The following BEND3 variants were observed in gnomAD, a reference collection of about 807,000 sequenced individuals.
BEND3 encodes the protein BEN domain containing 3, also known as BEN domain-containing protein 3.
Under a neutral mutation model 60.1 loss-of-function variants are expected in BEND3, and 13 were observed. That is an observed-to-expected ratio of 0.22 (90% confidence interval 0.14 to 0.34). BEND3 has a LOEUF of 0.34. Among genes scored for constraint, BEND3 ranks in the 10% least tolerant of loss-of-function variants. The probability of loss-of-function intolerance (pLI) is 1.00; values close to 1 mark genes in which losing one functional copy is unlikely to be tolerated. For synonymous variants in BEND3, 497 were observed against 491.5 expected (o/e 1.01, Z -0.15); for missense variants, 896 against 1,138.1 (o/e 0.79, Z 3.06).
chr6:107,078,518 A>ATG (rs1775145730), intron 3 of BEND3, among the ~76,000 whole-genome samples: 1 of 73,006 alleles, frequency 1.4e-5, no homozygotes. Flanking sequence ...GCAGTGGTGC[A>ATG]ATCTCGGCTC....
At chr6:107,099,995 G>A (rs1775671804) in intron 1 of BEND3, among the ~76,000 whole-genome samples, 1 of 151,592 alleles carries the variant, frequency 6.6e-6, no homozygotes, top group South Asian at 2.1e-4. Flanking sequence ...TCAGCCTCTA[G>A]AATGGCTAGG....
chr6:107,074,733 T>C (rs1554232547), intron 3 of BEND3, among the ~76,000 whole-genome samples: 2 of 152,250 alleles, frequency 1.3e-5, no homozygotes, highest in South Asian at 2.1e-4. Flanking sequence ...GGGGTGGAGA[T>C]AGCTGAAAAC....
chr6:107,084,211 C>G (rs1008060142), intron 3 of BEND3, among the ~76,000 whole-genome samples: 5 of 152,344 alleles, frequency 3.3e-5, no homozygotes, highest in African/African-American at 1.2e-4. Flanking sequence ...CAGGAACCAG[C>G]ACTAGGGCAG....
intron 1 of BEND3, among the ~76,000 whole-genome samples, chr6:107,112,879 C>A (rs1413953183): frequency 6.6e-6 from 1 of 150,704 alleles, no homozygotes; most frequent in Non-Finnish European, 1.5e-5. Context: ...AAAAGAAAGG[C>A]TGGGCGCGGT....
In BEND3 at chr6:107,068,986, G is replaced by C; in HGVS notation, c.2205C>G (p.Ser735=). ...GGAGCCGGGCGGCAAAGTTGCCCAC[G>C]GAGAGGCTCTGCTGCACGATCTCAC... ...EVREIVQQSL[S]VGNFAARLLV... is the part of the protein sequence containing the mutation. Residue 735 remains serine, a synonymous_variant, in exon 4 of 4, where the codon TCC becomes TCG. Coordinates refer to ENST00000369042, the MANE Select transcript of BEND3 (RefSeq NM_001367314.1). This position sits in a 1 kb window ranked among gnomAD's most constrained non-coding sequence, Gnocchi z 5.8. The C allele has an allele frequency of 6.2e-7, 1 of 1,613,790 alleles. No individual in the cohort carries two copies. The highest frequency in any genetic ancestry group is 8.5e-7 in the Non-Finnish European group (1 of 1,180,026).
intron 1 of BEND3, among the ~76,000 whole-genome samples, chr6:107,113,341 G>A (rs943202078): frequency 6.6e-6 from 1 of 150,854 alleles, no homozygotes; most frequent in African/African-American, 2.4e-5. Context: ...GTGAGGCTGA[G>A]GCAGGAAAAT....
chr6:107,103,478 T>G (rs1554236958), intron 1 of BEND3, among the ~76,000 whole-genome samples: 2 of 152,246 alleles, frequency 1.3e-5, no homozygotes, highest in African/African-American at 2.4e-5. Context: ...TCCTGGACTC[T>G]GGAGAACTTC....
At chr6:107,104,291 A>G (rs1235084192) in intron 1 of BEND3, among the ~76,000 whole-genome samples, 2 of 8,688 alleles carry the variant, frequency 2.3e-4, no homozygotes, top group East Asian at 1.9e-3. Flanking sequence ...CTCCGTCTCA[A>G]AAAAAAAAAA....
At chr6:107,096,982 C>T (rs1030747893) in intron 3 of BEND3, among the ~76,000 whole-genome samples, 3 of 151,500 alleles carry the variant, frequency 2.0e-5, no homozygotes. Flanking sequence ...GAGACCCTGT[C>T]TCAGACAAAA....
rs1479773068 is a variant in BEND3, at chr6:107,066,238, T to A, written c.*2466A>T. The A allele has an allele frequency of 6.6e-6, 1 of 152,128 alleles. No individual in the cohort carries two copies. Among genetic ancestry groups the A allele is most frequent in the Non-Finnish European group, 1.5e-5 (1 of 68,034 alleles). The allele number at this position is 152,128 out of a possible 1,614,324, so 9.4% of individuals were successfully genotyped here. A position where few individuals can be genotyped will look rare whatever the true frequency, so the allele number is the denominator to read the frequency against. On this transcript the variant is annotated 3_prime_UTR_variant, in exon 4 of 4. Transcript: ENST00000369042. Reference sequence around the variant, plus strand: ...AGTATTTTGTACTTCTATTGCTTCATGTAAAAAATTTAAAATAAAAAAATG... The same window carrying A: ...AGTATTTTGTACTTCTATTGCTTCAAGTAAAAAATTTAAAATAAAAAAATG...
chr6:107,114,716 G>GGC (rs1770223003), intron 1 of BEND3, among the ~76,000 whole-genome samples: 1 of 146,438 alleles, frequency 6.8e-6, no homozygotes, highest in African/African-American at 2.5e-5. Flanking sequence ...GTGCGGGGCC[G>GGC]GCGCGCGGCG....
At chr6:107,092,647 G>T (rs782813235) in intron 3 of BEND3, among the ~76,000 whole-genome samples, 1 of 97,264 alleles carries the variant, frequency 1.0e-5, no homozygotes, top group Non-Finnish European at 2.1e-5. Context: ...AAAAGAAAAT[G>T]AAATAAAAGG....
chr6:107,099,183 G>C (rs36063846), intron 2 of BEND3, 66 bp downstream of exon 2: 149,355 of 1,298,378 alleles, frequency 0.12, 9,159 homozygotes, highest in Middle Eastern at 0.18. Flanking sequence ...TGGACCATGT[G>C]AATGTATGAC....
chr6:107,098,959 G>T (rs1775647472), intron 2 of BEND3, among the ~76,000 whole-genome samples: 1 of 152,172 alleles, frequency 6.6e-6, no homozygotes, highest in African/African-American at 2.4e-5. Context: ...CATGTTCCAA[G>T]AGCATTTAGT....
intron 3 of BEND3, among the ~76,000 whole-genome samples, chr6:107,083,478 A>T (rs1015339777): frequency 6.6e-6 from 1 of 151,902 alleles, no homozygotes; most frequent in Admixed American, 6.6e-5. Flanking sequence ...AACAACCCCC[A>T]AAAACAAAAT....
rs1321741900 is a variant in BEND3, at chr6:107,067,299, A to G, written c.*1405T>C. 2.6e-5 allele frequency: 4 copies of G among 152,228 alleles called. No individual in the cohort carries two copies. Among genetic ancestry groups the G allele is most frequent in the African/African-American group, 9.6e-5 (4 of 41,458 alleles). The allele number at this position is 152,228 out of a possible 1,614,324, so 9.4% of individuals were successfully genotyped here. A position where few individuals can be genotyped will look rare whatever the true frequency, so the allele number is the denominator to read the frequency against. On this transcript the variant is annotated 3_prime_UTR_variant, in exon 4 of 4. Coordinates refer to ENST00000369042, the MANE Select transcript of BEND3 (RefSeq NM_001367314.1). The stretch of plus-strand genomic sequence containing the variant: ...AAATTTTCCAGGACTCTGGTATGAC[A>G]CACTGTTTGCATTCGACTGTTTCCT...
intron 1 of BEND3, among the ~76,000 whole-genome samples, chr6:107,106,976 G>A (rs372885377): frequency 1.4e-5 from 2 of 140,954 alleles, no homozygotes; most frequent in Non-Finnish European, 3.0e-5. Flanking sequence ...TCGCTCTGTC[G>A]CCCAGACTGG....
chr6:107,086,840 C>T (rs1222321588), intron 3 of BEND3, among the ~76,000 whole-genome samples: 1 of 151,398 alleles, frequency 6.6e-6, no homozygotes, highest in Non-Finnish European at 1.5e-5. Flanking sequence ...TCCTGGCCAA[C>T]ATGGTAAAAC....
chr6:107,113,631 G>A (rs564358967), intron 1 of BEND3, among the ~76,000 whole-genome samples: 1 of 152,156 alleles, frequency 6.6e-6, no homozygotes, highest in South Asian at 2.1e-4. Context: ...TAAGTTATGA[G>A]ACACCGGGTT....
Sources: allele counts gnomAD v4.1 joint callset (sites outside exome capture counted in the v4.1 genomes callset), GRCh38; gene constraint gnomAD v4.1.1; non-coding constraint Gnocchi (gnomAD v3.1); transcripts MANE v1.5; gene names NCBI Gene and HGNC (gene_info 2026-07-23, HGNC 2026-07-21).